Variants in SGCB observed in about 807,000 individuals in gnomAD.
The protein encoded by SGCB is beta-sarcoglycan.
SGCB carries 25 observed loss-of-function variants against 27.3 expected under a neutral mutation model. The observed-to-expected ratio is 0.92, with a 90% CI of 0.67 to 1.28. SGCB has a LOEUF of 1.28. Ranked by LOEUF, SGCB falls within the 50% of genes most tolerant of loss-of-function variation. The pLI is 0.00. For synonymous variants in SGCB, 147 were observed against 133.5 expected, an observed-to-expected ratio of 1.10 and a Z score of -0.70; for missense variants, 436 against 402.1, an observed-to-expected ratio of 1.08 and a Z score of -0.72.
chr4:52,024,265 A>C (rs1737029798), intron 5 of SGCB, 105 bp from the exon 6 acceptor site: 1 of 847,384 alleles, frequency 1.2e-6, no homozygotes, highest in Admixed American at 2.1e-5. Flanking sequence ...GCAAGCAGTA[A>C]GAAAGAGTAA....
intron 3 of SGCB, among the ~76,000 whole-genome samples, chr4:52,029,356 T>A (rs1377528997): frequency 1.3e-5 from 2 of 152,222 alleles, no homozygotes; most frequent in African/African-American, 4.8e-5. Flanking sequence ...GGCTTCCTCA[T>A]ATGGAGGAGA....
At chr4:52,037,298 C>T (rs773529000) in intron 1 of SGCB, among the ~76,000 whole-genome samples, 1 of 152,124 alleles carries the variant, frequency 6.6e-6, no homozygotes, top group Non-Finnish European at 1.5e-5. Flanking sequence ...AGAGATTTTA[C>T]GTCTTTTATC....
intron 5 of SGCB, 37 bp downstream of exon 5, chr4:52,027,931 C>A (rs1265934816): frequency 1.3e-6 from 2 of 1,585,490 alleles, no homozygotes; most frequent in African/African-American, 2.7e-5. Flanking sequence ...TACCCAAGAA[C>A]CTAATAATTC....
At chr4:52,037,075 A>G (rs894675669) in intron 1 of SGCB, among the ~76,000 whole-genome samples, 23 of 152,222 alleles carry the variant, frequency 1.5e-4, no homozygotes, top group Non-Finnish European at 2.5e-4. Flanking sequence ...CCAGATGGAA[A>G]AACAATCATC....
intron 1 of SGCB, among the ~76,000 whole-genome samples, chr4:52,037,068 G>C (rs1737411452): frequency 6.6e-6 from 1 of 152,184 alleles, no homozygotes; most frequent in South Asian, 2.1e-4. Context: ...AATAGAACCA[G>C]ATGGAAAAAC....
At chr4:52,038,163 C>T in intron 1 of SGCB, 64 bp downstream of exon 1, 4 of 1,129,024 alleles carry the variant, frequency 3.5e-6, no homozygotes, top group African/African-American at 1.7e-5. Flanking sequence ...CTCCCGCGGG[C>T]CCAGCCGGCA....
At position 52,027,971 on chromosome 4, in the gene SGCB, C is replaced by A. The variant is rs754883035; in HGVS notation, c.750G>T (p.Lys250Asn). ...AAGCTCTTAAAAGAATACTCACCGCCTTTAACTCCATATTACCACCCATGT... is the reference window on the plus strand; with the variant it reads ...AAGCTCTTAAAAGAATACTCACCGCATTTAACTCCATATTACCACCCATGT... ...EFHMGGNMEL[K>N]AENSIILNGS... The change falls in exon 5 of 6, where the codon AAG becomes AAT. Residue 250 changes from lysine (K) to asparagine (N), a missense_variant. Transcript: ENST00000381431. 1 of 1,613,772 alleles carries A rather than the reference C, an allele frequency of 6.2e-7. No homozygotes were observed. The highest frequency in any genetic ancestry group is 1.3e-5 in the African/African-American group (1 of 75,046).
At chr4:52,024,240 A>G in intron 5 of SGCB, 80 bp from the exon 6 acceptor site, 1 of 1,077,622 alleles carries the variant, frequency 9.3e-7, no homozygotes, top group Non-Finnish European at 1.4e-6. Context: ...ACTTCCTGAA[A>G]TATCAATGAG....
intron 5 of SGCB, among the ~76,000 whole-genome samples, chr4:52,024,963 T>G (rs1737049840): frequency 6.6e-6 from 1 of 151,874 alleles, no homozygotes; most frequent in African/African-American, 2.4e-5. Context: ...AGTCTGGAGG[T>G]TCTTCACGCC....
intron 1 of SGCB, among the ~76,000 whole-genome samples, chr4:52,035,673 T>C (rs569938721): frequency 6.6e-6 from 1 of 152,182 alleles, no homozygotes; most frequent in Non-Finnish European, 1.5e-5. Context: ...GTTGTAGTAA[T>C]GGAGGATTGA....
Position 52,023,765 on chromosome 4 carries a change from T to TA in SGCB, c.*191dup. ...AGAGAACAGTAAATATGAAGATTAGTATAAATTAATAAAATGTATTAGAAT... is the reference window on the plus strand; with the variant it reads ...AGAGAACAGTAAATATGAAGATTAGTAATAAATTAATAAAATGTATTAGAAT... On this transcript the variant is annotated 3_prime_UTR_variant, in exon 6 of 6. Transcript: ENST00000381431. The TA allele has an allele frequency of 1.8e-6, 1 of 570,316 alleles. No individual in the cohort carries two copies. The highest frequency in any genetic ancestry group is 3.1e-6 in the Non-Finnish European group (1 of 321,602). The allele number at this position is 570,316 out of a possible 1,614,324, so 35.3% of individuals were successfully genotyped here. A position where few individuals can be genotyped will look rare whatever the true frequency, so the allele number is the denominator to read the frequency against.
rs368087433 is a variant in SGCB at position 52,030,117 on chromosome 4, C to G, written c.244-254G>C. The stretch of plus-strand genomic sequence containing the variant: ...AATGAATAGTTTCTTATTTTTTCTA[C>G]CCTCTCCACATCTCATTCCCAGGAA... On this transcript the variant is annotated intron_variant, in intron 2 of 5. Coordinates refer to ENST00000381431, the MANE Select transcript of SGCB (RefSeq NM_000232.5). Among the ~76,000 whole-genome samples, 5 of 152,146 alleles carry G rather than the reference C, an allele frequency of 3.3e-5. No individual in the cohort carries two copies. The East Asian group carries it at 5.8e-4, about 18-fold the overall frequency.
chr4:52,024,213 C>A, intron 5 of SGCB, 53 bp from the exon 6 acceptor site: 1 of 1,405,960 alleles, frequency 7.1e-7, no homozygotes. Context: ...GGGTACAGAA[C>A]AAAGTCAGTA....
chr4:52,036,749 G>A (rs1737403613), intron 1 of SGCB, among the ~76,000 whole-genome samples: 1 of 152,146 alleles, frequency 6.6e-6, no homozygotes, highest in African/African-American at 2.4e-5. Flanking sequence ...GTGGGGCCCA[G>A]GGGGAAAAGA....
chr4:52,026,431 G>T (rs1357645075), intron 5 of SGCB, among the ~76,000 whole-genome samples: 3 of 151,780 alleles, frequency 2.0e-5, no homozygotes, highest in African/African-American at 7.2e-5. Context: ...GGTAATTTTT[G>T]TATTTTTAGT....
intron 1 of SGCB, among the ~76,000 whole-genome samples, chr4:52,034,563 T>A (rs1400023974): frequency 1.3e-5 from 2 of 152,086 alleles, no homozygotes; most frequent in East Asian, 3.9e-4. Flanking sequence ...CCACTTTATA[T>A]AAGGGACTTG....
chr4:52,026,813 A>C (rs1366703423), intron 5 of SGCB, among the ~76,000 whole-genome samples: 1 of 152,216 alleles, frequency 6.6e-6, no homozygotes, highest in African/African-American at 2.4e-5. Flanking sequence ...GAAAAAAATA[A>C]AAGGTTTGGT....
At position 52,022,471 on chromosome 4, in the gene SGCB, C is replaced by T. The variant is rs1736978982; in HGVS notation, c.*1486G>A. 1 of 152,158 alleles carries T rather than the reference C, an allele frequency of 6.6e-6. No individual in the cohort carries two copies. The highest frequency in any genetic ancestry group is 2.4e-5 in the African/African-American group (1 of 41,422). 9.4% of individuals were successfully genotyped at this position (152,158 alleles called of 1,614,324 possible). A position where few individuals can be genotyped will look rare whatever the true frequency, so the allele number is the denominator to read the frequency against. The stretch of plus-strand genomic sequence containing the variant: ...GATTCTGTGTGAGTCTTAATAATAC[C>T]AGAGAGTTCTTTTCCAATCAAATAT... On this transcript the variant is annotated 3_prime_UTR_variant, in exon 6 of 6. Coordinates refer to ENST00000381431, the MANE Select transcript of SGCB (RefSeq NM_000232.5).
intron 3 of SGCB, among the ~76,000 whole-genome samples, chr4:52,029,397 T>C (rs1174210327): frequency 6.6e-6 from 1 of 152,214 alleles, no homozygotes; most frequent in African/African-American, 2.4e-5. Flanking sequence ...TCATACAAAT[T>C]ACATCTGTCA....
Sources: gnomAD v4.1 joint callset for allele counts (sites outside exome capture counted in the v4.1 genomes callset) on GRCh38, gnomAD v4.1.1 for gene constraint, MANE v1.5 for transcripts, NCBI Gene and HGNC (gene_info 2026-07-23, HGNC 2026-07-21) for gene names.